CACNG2: variants seen among roughly 807,000 people sequenced by gnomAD.
CACNG2 encodes the protein calcium voltage-gated channel auxiliary subunit gamma 2, also known as voltage-dependent calcium channel gamma-2 subunit.
In CACNG2, 3 loss-of-function variants were observed where a neutral mutation model predicts 25.9. That is an observed-to-expected ratio of 0.12 (90% confidence interval 0.05 to 0.30). The LOEUF is 0.30. Among genes scored for constraint, CACNG2 ranks in the 10% least tolerant of loss-of-function variants. CACNG2 has a pLI of 1.00. For synonymous variants in CACNG2, 167 were observed against 173.3 expected, an observed-to-expected ratio of 0.96 and a Z score of 0.29; for missense variants, 341 against 432.5, an observed-to-expected ratio of 0.79 and a Z score of 1.88.
In CACNG2 at chr22:36,702,649, A is replaced by T; in HGVS notation, c.-73T>A. On this transcript the variant is annotated 5_prime_UTR_variant, in exon 1 of 4. Transcript: ENST00000300105. ...GTGTGTGTGAGGGTGCAAGTACTAA[A>T]GCCAAAAAAAATAAATAAAAATAAA... is the stretch of plus-strand genomic sequence containing the variant. 1 of 1,112,632 alleles carries T rather than the reference A, an allele frequency of 9.0e-7. No individual in the cohort carries two copies. Among genetic ancestry groups the T allele is most frequent in the South Asian group, 1.3e-5 (1 of 78,580 alleles). The allele number at this position is 1,112,632 out of a possible 1,614,324, so 68.9% of individuals were successfully genotyped here.
At chr22:36,601,727 T>C (rs1935756296) in intron 1 of CACNG2, among the ~76,000 whole-genome samples, 1 of 152,140 alleles carries the variant, frequency 6.6e-6, no homozygotes, top group African/African-American at 2.4e-5. Flanking sequence ...TTGTGATCCA[T>C]GCGCCTCGGC....
At chr22:36,670,684 T>C (rs1936937154) in intron 1 of CACNG2, among the ~76,000 whole-genome samples, 1 of 151,978 alleles carries the variant, frequency 6.6e-6, no homozygotes, top group East Asian at 1.9e-4. Context: ...CAGGCTGGAG[T>C]GCAGAGGCAT....
rs1166578707 is a variant in CACNG2 at position 36,606,463 on chromosome 22, C to T, written c.212-18915G>A. Among the ~76,000 whole-genome samples the T allele has an allele frequency of 6.6e-6, 1 of 152,184 alleles. No homozygotes were observed. Among genetic ancestry groups the T allele is most frequent in the Non-Finnish European group, 1.5e-5 (1 of 68,030 alleles). On this transcript the variant is annotated intron_variant, in intron 1 of 3. Coordinates refer to ENST00000300105, the MANE Select transcript of CACNG2 (RefSeq NM_006078.5). This position sits in a 1 kb window ranked among gnomAD's most constrained non-coding sequence, Gnocchi z 5.7. ...TGTAAGTGAAAGAGCTGGGCTCTGA[C>T]CCCGGGCAGGAGGTTCTAGGTGACT...
intron 1 of CACNG2, among the ~76,000 whole-genome samples, chr22:36,647,455 G>A (rs1936543579): frequency 6.6e-6 from 1 of 152,106 alleles, no homozygotes; most frequent in African/African-American, 2.4e-5. Context: ...AATTAGATGG[G>A]TGTGGTGGCA....
chr22:36,642,236 C>T (rs1361098568), intron 1 of CACNG2, among the ~76,000 whole-genome samples: 1 of 152,212 alleles, frequency 6.6e-6, no homozygotes, highest in Non-Finnish European at 1.5e-5. Flanking sequence ...CCCAATAATT[C>T]TCTGGCCGTG....
At chr22:36,623,171 C>T (rs1936134970) in intron 1 of CACNG2, among the ~76,000 whole-genome samples, 1 of 151,388 alleles carries the variant, frequency 6.6e-6, no homozygotes, top group South Asian at 2.1e-4. Flanking sequence ...CAGGCATGCA[C>T]CTCCATGTTG....
chr22:36,572,448 C>T (rs1935248089), intron 2 of CACNG2, among the ~76,000 whole-genome samples: 1 of 152,100 alleles, frequency 6.6e-6, no homozygotes, highest in Admixed American at 6.6e-5. Context: ...ACTTTATTTA[C>T]AAAATCACTT....
At chr22:36,574,051 C>T (rs957369704) in intron 2 of CACNG2, among the ~76,000 whole-genome samples, 4 of 151,868 alleles carry the variant, frequency 2.6e-5, no homozygotes, top group African/African-American at 4.8e-5. Flanking sequence ...GTGGGGAGCA[C>T]CTAAGGAGAG....
At chr22:36,699,775 G>C (rs888177007) in intron 1 of CACNG2, among the ~76,000 whole-genome samples, 3 of 152,166 alleles carry the variant, frequency 2.0e-5, no homozygotes, top group Non-Finnish European at 4.4e-5. Context: ...GCTCATAAAA[G>C]CAAGCACACT....
At chr22:36,656,699 C>T (rs1263278419) in intron 1 of CACNG2, among the ~76,000 whole-genome samples, 1 of 152,214 alleles carries the variant, frequency 6.6e-6, no homozygotes, top group East Asian at 1.9e-4. Flanking sequence ...GCCTTGGCCT[C>T]CTTGCACCTC....
At chr22:36,572,042 A>G (rs1258225491) in intron 2 of CACNG2, among the ~76,000 whole-genome samples, 1 of 152,162 alleles carries the variant, frequency 6.6e-6, no homozygotes, top group East Asian at 1.9e-4. Context: ...ACTTCCTACA[A>G]AGCCAAGCAT....
intron 1 of CACNG2, among the ~76,000 whole-genome samples, chr22:36,676,609 C>T (rs1937023366): frequency 2.0e-5 from 3 of 152,220 alleles, no homozygotes; most frequent in South Asian, 2.1e-4. Context: ...CTACCTTCCT[C>T]GTGAGGCTGC....
chr22:36,684,622 A>AAAAC (rs1937171942), intron 1 of CACNG2, among the ~76,000 whole-genome samples: 1 of 151,918 alleles, frequency 6.6e-6, no homozygotes, highest in South Asian at 2.1e-4. Context: ...TCTCAAAAAA[A>AAAAC]AAAAAAAAAC....
At chr22:36,652,687 G>C (rs1936637979) in intron 1 of CACNG2, among the ~76,000 whole-genome samples, 1 of 152,118 alleles carries the variant, frequency 6.6e-6, no homozygotes, top group Non-Finnish European at 1.5e-5. Context: ...AGGGCAGAAA[G>C]GACCACACCT....
In CACNG2 at chr22:36,563,000, C is replaced by T. The variant is rs1935054228; in HGVS notation, c.*1351G>A. The T allele has an allele frequency of 6.6e-6, 1 of 151,836 alleles. No homozygotes were observed. The allele number at this position is 151,836 out of a possible 1,614,324, so 9.4% of individuals were successfully genotyped here. ...GCTAAAGTTTAAGTCCCCCACCCCG[C>T]CCCATTTTTTGTTTTCACAGTTTAA... On this transcript the variant is annotated 3_prime_UTR_variant, in exon 4 of 4. Coordinates refer to ENST00000300105, the MANE Select transcript of CACNG2 (RefSeq NM_006078.5).
intron 1 of CACNG2, among the ~76,000 whole-genome samples, chr22:36,600,693 C>A (rs186758999): frequency 6.6e-6 from 1 of 151,942 alleles, no homozygotes; most frequent in African/African-American, 2.4e-5. Flanking sequence ...ATTACAGACA[C>A]GCACCACCAA....
intron 1 of CACNG2, among the ~76,000 whole-genome samples, chr22:36,627,280 G>A (rs1227213185): frequency 1.9e-4 from 1 of 5,264 alleles, no homozygotes; most frequent in African/African-American, 4.3e-4. Flanking sequence ...GAGTGGGGAC[G>A]TGTGTGTGTG....
chr22:36,581,265 T>C (rs1355859234), intron 2 of CACNG2, among the ~76,000 whole-genome samples: 1 of 152,164 alleles, frequency 6.6e-6, no homozygotes, highest in Non-Finnish European at 1.5e-5. Flanking sequence ...GATGAGGGAC[T>C]CCTATAGCTG....
intron 1 of CACNG2, among the ~76,000 whole-genome samples, chr22:36,672,302 G>A (rs1179902642): frequency 6.6e-6 from 1 of 152,154 alleles, no homozygotes; most frequent in Non-Finnish European, 1.5e-5. Context: ...AGCTACAGGT[G>A]CACACCATAC....
Sources: gnomAD v4.1 joint callset for allele counts (sites outside exome capture counted in the v4.1 genomes callset) on GRCh38, gnomAD v4.1.1 for gene constraint, Gnocchi (gnomAD v3.1) non-coding constraint, MANE v1.5 for transcripts, NCBI Gene and HGNC (gene_info 2026-07-23, HGNC 2026-07-21) for gene names.